Variants in MEGF6 observed in about 807,000 individuals in gnomAD.
MEGF6 encodes multiple epidermal growth factor-like domains protein 6.
MEGF6 carries 184 observed loss-of-function variants against 207.1 expected under a neutral mutation model. That is an observed-to-expected ratio of 0.89 (90% CI 0.79 to 1.00). MEGF6 has a LOEUF of 1.00. Among genes scored for constraint, MEGF6 ranks in the 50% least tolerant of loss-of-function variants. The probability of loss-of-function intolerance (pLI) is 0.00; values close to 1 mark genes in which losing one functional copy is unlikely to be tolerated. For missense variants in MEGF6, 2,282 were observed against 2,202.9 expected (o/e 1.04, Z -0.72); for synonymous variants, 1,038 against 910.0 (o/e 1.14, Z -2.53).
intron 4 of MEGF6, among the ~76,000 whole-genome samples, chr1:3,525,416 C>A (rs1570052705): frequency 6.6e-6 from 1 of 152,252 alleles, no homozygotes; most frequent in East Asian, 1.9e-4. Context: ...TGGACTTCCA[C>A]AGCCTGGGGA....
intron 4 of MEGF6, among the ~76,000 whole-genome samples, chr1:3,535,105 T>C (rs567770157): frequency 6.6e-6 from 1 of 152,206 alleles, no homozygotes; most frequent in South Asian, 2.1e-4. Context: ...GGCAGAGGCC[T>C]GAATGAGACC....
rs1449897764 is a variant in MEGF6 at position 3,573,949 on chromosome 1, C to G, written c.481+5876G>C. ...AGGGCTAAACGGGCTCAGGACACCA[C>G]CCAGTCCTAGCCACCCAACCTTCTC... On this transcript the variant is annotated intron_variant, in intron 4 of 36. Coordinates refer to ENST00000356575, the MANE Select transcript of MEGF6 (RefSeq NM_001409.4). The surrounding 1 kb of genome is among the most constrained non-coding windows in gnomAD (Gnocchi z 5.1). Among the ~76,000 whole-genome samples the G allele has an allele frequency of 6.6e-6, 1 of 152,178 alleles. No individual in the cohort carries two copies. Among genetic ancestry groups the G allele is most frequent in the East Asian group, 1.9e-4 (1 of 5,188 alleles).
intron 1 of MEGF6, among the ~76,000 whole-genome samples, chr1:3,606,961 C>G (rs1644258189): frequency 1.3e-5 from 2 of 152,126 alleles, no homozygotes; most frequent in South Asian, 4.2e-4. Context: ...ACAGACACCC[C>G]AGGCCTGGGG....
At chr1:3,507,744 C>T (rs1467889339) in intron 14 of MEGF6, 51 bp downstream of exon 14, 1 of 1,611,780 alleles carries the variant, frequency 6.2e-7, no homozygotes, top group African/African-American at 1.3e-5. Flanking sequence ...TCTCCCACTT[C>T]CCTTACAGCC....
At chr1:3,503,918 G>T (rs112389875) in intron 17 of MEGF6, among the ~76,000 whole-genome samples, 1 of 152,180 alleles carries the variant, frequency 6.6e-6, no homozygotes, top group Non-Finnish European at 1.5e-5. Flanking sequence ...GCCAGTCCAG[G>T]TCAGGAGTCT....
At chr1:3,521,037 G>A (rs1446694835) in intron 5 of MEGF6, among the ~76,000 whole-genome samples, 5 of 152,150 alleles carry the variant, frequency 3.3e-5, no homozygotes, top group Admixed American at 3.3e-4. Flanking sequence ...TGCTAGTGGG[G>A]AGTCTAACCG....
chr1:3,571,002 C>G (rs767713695), intron 4 of MEGF6, among the ~76,000 whole-genome samples: 4 of 152,188 alleles, frequency 2.6e-5, no homozygotes, highest in Non-Finnish European at 5.9e-5. Context: ...CGGCTCAGCA[C>G]CAGCTTGTCT....
chr1:3,611,370 CCCGCGCCCGCT>C lies in MEGF6; in HGVS notation c.-113_-103del. 2 of 1,327,356 alleles carry C rather than the reference CCCGCGCCCGCT, an allele frequency of 1.5e-6. No individual in the cohort carries two copies. The highest frequency in any genetic ancestry group is 3.9e-5 in the South Asian group (2 of 51,594). The allele number at this position is 1,327,356 out of a possible 1,614,324, so 82.2% of individuals were successfully genotyped here. On this transcript the variant is annotated 5_prime_UTR_variant, in exon 1 of 37. Coordinates refer to ENST00000356575, the MANE Select transcript of MEGF6 (RefSeq NM_001409.4). Reference sequence around the variant, plus strand: ...GCGCCATAGGACGCAGCCACAGGTGCCCGCGCCCGCTCCGCGGAGCCCAAGGTCGCTGCAGG... The same window carrying C: ...GCGCCATAGGACGCAGCCACAGGTGCCCGCGGAGCCCAAGGTCGCTGCAGG...
chr1:3,620,491 A>G, the MEGF6 span, among the ~76,000 whole-genome samples: 1 of 152,080 alleles, frequency 6.6e-6, no homozygotes, highest in Non-Finnish European at 1.5e-5. Context: ...ACTTCGGGAG[A>G]CTCTGCCTAG....
chr1:3,558,965 G>T (rs993107547), intron 4 of MEGF6, among the ~76,000 whole-genome samples: 2 of 152,194 alleles, frequency 1.3e-5, no homozygotes, highest in Non-Finnish European at 2.9e-5. Flanking sequence ...GTTCAAGGCT[G>T]CAGTGAGCCA....
the MEGF6 span, among the ~76,000 whole-genome samples, chr1:3,620,687 C>T: frequency 6.6e-6 from 1 of 152,188 alleles, no homozygotes; most frequent in Non-Finnish European, 1.5e-5. Flanking sequence ...GTCTTTCTCC[C>T]CATGTGCAGA....
intron 4 of MEGF6, among the ~76,000 whole-genome samples, chr1:3,548,226 C>A (rs1046520976): frequency 6.6e-6 from 1 of 152,212 alleles, no homozygotes; most frequent in Non-Finnish European, 1.5e-5. Context: ...CCCAGACAGA[C>A]GGAACACAGC....
chr1:3,494,421 G>A lies in MEGF6; in HGVS notation c.4079C>T (p.Thr1360Met), dbSNP rs369605349. Reference sequence around the variant, plus strand: ...GCCGGGGCCGCAGCGGCAGGTGCCCGTGGCAGGCTCACACGTGCTGTTGTT... The same window carrying A: ...GCCGGGGCCGCAGCGGCAGGTGCCCATGGCAGGCTCACACGTGCTGTTGTT... ...CHNNSTCEPA[T>M]GTCRCGPGFY... Residue 1360 changes from threonine to methionine, a missense_variant, in exon 32 of 37, where the codon ACG (threonine) becomes ATG (methionine). Thr to Met is a moderately conservative substitution (Grantham distance 81). Transcript: ENST00000356575. 525 of 1,548,662 alleles carry A rather than the reference G, an allele frequency of 3.4e-4. No individual in the cohort carries two copies. The highest frequency in any genetic ancestry group is 8.6e-4 in the Middle Eastern group (5 of 5,842).
chr1:3,587,342 G>A (rs1643906799), intron 3 of MEGF6, among the ~76,000 whole-genome samples: 2 of 152,256 alleles, frequency 1.3e-5, no homozygotes, highest in African/African-American at 4.8e-5. Flanking sequence ...GCCCACGGAG[G>A]CCGCCAGGGC....
chr1:3,556,261 GCT>G lies in MEGF6; in HGVS notation c.481+23562_481+23563del. Among the ~76,000 whole-genome samples, 1 of 152,340 alleles carries G rather than the reference GCT, an allele frequency of 6.6e-6. No individual in the cohort carries two copies. Among genetic ancestry groups the G allele is most frequent in the African/African-American group, 2.4e-5 (1 of 41,582 alleles). On this transcript the variant is annotated intron_variant, in intron 4 of 36. Transcript: ENST00000356575. The surrounding 1 kb of genome is among the most constrained non-coding windows in gnomAD (Gnocchi z 4.4). ...GCAGGGTCCCCATACATAACCTAGA[GCT>G]CTGTGTGAGGCCCGCAGGCCAGGTC... is the stretch of plus-strand genomic sequence containing the variant.
chr1:3,523,629 G>A (rs1009636953), intron 5 of MEGF6, among the ~76,000 whole-genome samples: 10 of 152,146 alleles, frequency 6.6e-5, no homozygotes, highest in South Asian at 2.1e-4. Flanking sequence ...CTGGCTCTGC[G>A]GGCGAAGGGT....
intron 12 of MEGF6, 149 bp from the exon 13 acceptor site, chr1:3,508,838 G>A: frequency 8.7e-7 from 1 of 1,150,748 alleles, no homozygotes; most frequent in Non-Finnish European, 1.2e-6. Context: ...GGGGACAGAT[G>A]CTGGGGCCAG....
chr1:3,579,640 G>A (rs563723335), intron 4 of MEGF6, among the ~76,000 whole-genome samples, 185 bp downstream of exon 4: 4 of 152,326 alleles, frequency 2.6e-5, no homozygotes, highest in South Asian at 4.1e-4. Flanking sequence ...CCTTCCCCTC[G>A]ACACCCTCAG....
intron 4 of MEGF6, among the ~76,000 whole-genome samples, chr1:3,564,270 T>C (rs569893123): frequency 6.6e-6 from 1 of 151,996 alleles, no homozygotes; most frequent in East Asian, 1.9e-4. Context: ...GACTGTATCC[T>C]AGAGATGTTT....
Sources: gnomAD v4.1 joint callset for allele counts (sites outside exome capture counted in the v4.1 genomes callset) on GRCh38, gnomAD v4.1.1 for gene constraint, Gnocchi (gnomAD v3.1) non-coding constraint, MANE v1.5 for transcripts, NCBI Gene and HGNC (gene_info 2026-07-23, HGNC 2026-07-21) for gene names.